The following MDGA2 variants were observed in gnomAD, a reference collection of about 807,000 sequenced individuals.
MDGA2 encodes MAM domain containing glycosylphosphatidylinositol anchor 2, also known as MAM domain-containing glycosylphosphatidylinositol anchor protein 2.
A neutral mutation model predicts 117.8 loss-of-function variants in MDGA2; 40 were observed. The observed-to-expected ratio is 0.34, with a 90% confidence interval of 0.26 to 0.44. The LOEUF (loss-of-function observed/expected upper bound fraction) is 0.44, where lower values mean the gene tolerates loss of function less well. Among genes scored for constraint, MDGA2 ranks in the 20% least tolerant of loss-of-function variants. MDGA2 has a pLI of 1.00. For missense variants in MDGA2, 1,123 were observed against 1,250.6 expected (o/e 0.90, Z 1.54); for synonymous variants, 452 against 439.0 (o/e 1.03, Z -0.37).
At chr14:47,324,526 G>A (rs1326816797) in intron 1 of MDGA2, among the ~76,000 whole-genome samples, 1 of 152,096 alleles carries the variant, frequency 6.6e-6, no homozygotes, top group Non-Finnish European at 1.5e-5. Flanking sequence ...TCTAGTCGCA[G>A]AACCATCGAG....
chr14:47,202,406 T>C (rs1023061365), intron 3 of MDGA2, among the ~76,000 whole-genome samples: 1 of 152,156 alleles, frequency 6.6e-6, no homozygotes, highest in Non-Finnish European at 1.5e-5. Flanking sequence ...CCTTGGAAGC[T>C]TTCCATTAAC....
At chr14:47,638,712 A>G (rs1460873342) in intron 1 of MDGA2, among the ~76,000 whole-genome samples, 1 of 152,156 alleles carries the variant, frequency 6.6e-6, no homozygotes, top group East Asian at 1.9e-4. Flanking sequence ...CCCCTTAACT[A>G]TGGCAAGTGC....
chr14:47,087,148 T>G (rs2138923932), intron 6 of MDGA2, among the ~76,000 whole-genome samples: 1 of 152,270 alleles, frequency 6.6e-6, no homozygotes, highest in African/African-American at 2.4e-5. Context: ...TTAATACATG[T>G]GAATCCATAA....
At chr14:47,586,178 A>G (rs546678602) in intron 1 of MDGA2, among the ~76,000 whole-genome samples, 24 of 151,962 alleles carry the variant, frequency 1.6e-4, no homozygotes, top group Non-Finnish European at 3.4e-4. Flanking sequence ...TTAATTGACT[A>G]CTCCCTAAAG....
chr14:47,086,612 A>ATT lies in MDGA2; in HGVS notation c.1195+10240_1195+10241dup, dbSNP rs11448517. On this transcript the variant is annotated intron_variant, in intron 6 of 16. Transcript: ENST00000399232. ...TATTAAAGATAGAAGTTAAACATAGATTTTTTTTTACTTTAAATAATTATC... is the reference window on the plus strand; with the variant it reads ...TATTAAAGATAGAAGTTAAACATAGATTTTTTTTTTTACTTTAAATAATTATC... 2.3e-3 allele frequency among the ~76,000 whole-genome samples: 344 copies of ATT among 151,486 alleles called. 1 individual carries two copies. Among genetic ancestry groups the ATT allele is most frequent in the African/African-American group, 6.5e-3 (268 of 41,356 alleles).
chr14:47,528,620 A>T (rs1566499673), intron 1 of MDGA2, among the ~76,000 whole-genome samples: 1 of 152,232 alleles, frequency 6.6e-6, no homozygotes, highest in East Asian at 1.9e-4. Flanking sequence ...AACATTAAGT[A>T]AAACAAATGT....
chr14:46,931,076 A>C (rs1478418234), intron 9 of MDGA2, among the ~76,000 whole-genome samples: 1 of 151,864 alleles, frequency 6.6e-6, no homozygotes, highest in East Asian at 1.9e-4. Context: ...TTAGCAGGGC[A>C]TGGTGGCACG....
chr14:47,422,445 A>C (rs897237988), intron 1 of MDGA2, among the ~76,000 whole-genome samples: 3 of 152,142 alleles, frequency 2.0e-5, no homozygotes, highest in Non-Finnish European at 2.9e-5. Flanking sequence ...TTAACCAAAC[A>C]TGTCTTCCAA....
At chr14:47,627,699 G>T (rs1422023610) in intron 1 of MDGA2, among the ~76,000 whole-genome samples, 1 of 152,180 alleles carries the variant, frequency 6.6e-6, no homozygotes, top group Non-Finnish European at 1.5e-5. Context: ...AATAAAAGCA[G>T]TCTGCCCCAG....
At chr14:47,001,901 G>A (rs1158934806) in intron 8 of MDGA2, among the ~76,000 whole-genome samples, 1 of 152,058 alleles carries the variant, frequency 6.6e-6, no homozygotes, top group Non-Finnish European at 1.5e-5. Context: ...AGTGGGGAGG[G>A]AGAGGGAGAG....
chr14:47,283,268 T>C (rs947978509), intron 2 of MDGA2, among the ~76,000 whole-genome samples: 11 of 152,240 alleles, frequency 7.2e-5, no homozygotes, highest in African/African-American at 2.6e-4. Context: ...ATGAATGGAA[T>C]TTCAATCAGT....
At chr14:47,178,603 GAATA>G (rs1177589832) in intron 3 of MDGA2, among the ~76,000 whole-genome samples, 3 of 151,954 alleles carry the variant, frequency 2.0e-5, no homozygotes, top group Non-Finnish European at 4.4e-5. Flanking sequence ...CTAGGTATAA[GAATA>G]AATAAATAAA....
chr14:47,384,231 G>A (rs563816684), intron 1 of MDGA2, among the ~76,000 whole-genome samples: 8 of 151,160 alleles, frequency 5.3e-5, no homozygotes, highest in African/African-American at 9.7e-5. Context: ...ATACTTGGCA[G>A]CATTGATGGA....
chr14:47,219,382 A>T (rs940622413), intron 2 of MDGA2, among the ~76,000 whole-genome samples: 6 of 152,088 alleles, frequency 3.9e-5, no homozygotes, highest in Non-Finnish European at 5.9e-5. Context: ...AATTTTAAAA[A>T]TCTGTAAATC....
Position 47,072,112 on chromosome 14 carries a change from G to GGTGC in MDGA2, c.1196-10535_1196-10534insGCAC, listed in dbSNP as rs1555349485. ...TGGTTGTTGTTGTTTGGGGGGGGGG[G>GGTGC]GGTTTGCAGGTATTATATGTTGCAG... On this transcript the variant is annotated intron_variant, in intron 6 of 16. Transcript: ENST00000399232. Among the ~76,000 whole-genome samples, 21 of 107,048 alleles carry GGTGC rather than the reference G, an allele frequency of 2.0e-4. 2 individuals carry two copies. Among genetic ancestry groups the GGTGC allele is most frequent in the African/African-American group, 7.3e-4 (20 of 27,444 alleles). 70.2% of individuals were successfully genotyped at this position (107,048 alleles called of 152,430 possible).
At chr14:47,417,790 C>T (rs1892503754) in intron 1 of MDGA2, among the ~76,000 whole-genome samples, 1 of 152,136 alleles carries the variant, frequency 6.6e-6, no homozygotes, top group African/African-American at 2.4e-5. Flanking sequence ...TCACTCACTG[C>T]AGCCTTGGCC....
At chr14:47,431,541 G>C (rs911975086) in intron 1 of MDGA2, among the ~76,000 whole-genome samples, 3 of 151,980 alleles carry the variant, frequency 2.0e-5, no homozygotes, top group African/African-American at 7.2e-5. Context: ...GGAAAAAGCA[G>C]AACACTTACA....
At chr14:47,317,745 T>C (rs1204365974) in intron 1 of MDGA2, among the ~76,000 whole-genome samples, 1 of 152,088 alleles carries the variant, frequency 6.6e-6, no homozygotes, top group Non-Finnish European at 1.5e-5. Flanking sequence ...CATCCATTCT[T>C]ACCTGGAGAA....
At chr14:47,465,854 G>A (rs899165394) in intron 1 of MDGA2, among the ~76,000 whole-genome samples, 3 of 152,042 alleles carry the variant, frequency 2.0e-5, no homozygotes, top group Non-Finnish European at 2.9e-5. Context: ...AATAAAAATC[G>A]TTCTACCATA....
Sources: gnomAD v4.1 joint callset for allele counts (sites outside exome capture counted in the v4.1 genomes callset) on GRCh38, gnomAD v4.1.1 for gene constraint, MANE v1.5 for transcripts, NCBI Gene and HGNC (gene_info 2026-07-23, HGNC 2026-07-21) for gene names.